NFIB: variants seen among roughly 807,000 people sequenced by gnomAD.
NFIB encodes nuclear factor 1 B-type.
A neutral mutation model predicts 61.5 loss-of-function variants in NFIB; 11 were observed. The ratio of observed to expected loss-of-function variants is 0.18; its 90% CI spans 0.11 to 0.30. The LOEUF is 0.30. Ranked by LOEUF, NFIB falls within the 10% of genes least tolerant of loss-of-function variation. NFIB has a pLI of 1.00. For missense variants in NFIB, 471 were observed against 608.9 expected (o/e 0.77, Z 2.38); for synonymous variants, 260 against 216.5 (o/e 1.20, Z -1.76).
At chr9:14,317,163 C>G (rs988823593), upstream of NFIB, 4 of 152,206 alleles carry the variant, frequency 2.6e-5, no homozygotes, top group Non-Finnish European at 5.9e-5. Flanking sequence ...ATCGCTACCC[C>G]TCCTCCCTTT....
At chr9:14,360,728 T>C (rs2061229083) in intron 1 of NFIB, among the ~76,000 whole-genome samples, 1 of 152,004 alleles carries the variant, frequency 6.6e-6, no homozygotes, top group South Asian at 2.1e-4. Context: ...GTATTTTTAG[T>C]AGAGACGGGG....
At chr9:14,485,434 G>A in the NFIB span, among the ~76,000 whole-genome samples, 1 of 152,202 alleles carries the variant, frequency 6.6e-6, no homozygotes, top group Non-Finnish European at 1.5e-5. Context: ...ATATAAGAAG[G>A]TGTATCAGTC....
Position 14,120,820 on chromosome 9 carries a change from A to C in NFIB, c.1061-196T>G, listed in dbSNP as rs746204160. Among the ~76,000 whole-genome samples the C allele has an allele frequency of 2.0e-5, 3 of 152,206 alleles. No homozygotes were observed. Among genetic ancestry groups the C allele is most frequent in the Non-Finnish European group, 4.4e-5 (3 of 68,036 alleles). ...CACCAGTACGGCTAACTACACAGAGATAAAACATCACTCTAGAAAATTAAC... is the reference window on the plus strand; with the variant it reads ...CACCAGTACGGCTAACTACACAGAGCTAAAACATCACTCTAGAAAATTAAC... On this transcript the variant is annotated intron_variant, in intron 7 of 10. Transcript: ENST00000380953. This position sits in a 1 kb window ranked among gnomAD's most constrained non-coding sequence, Gnocchi z 4.4.
At position 14,191,198 on chromosome 9, in the gene NFIB, G is replaced by T. The variant is rs149446639; in HGVS notation, c.563-11418C>A. On this transcript the variant is annotated intron_variant, in intron 2 of 10. Coordinates refer to ENST00000380953, the MANE Select transcript of NFIB (RefSeq NM_001190737.2). Reference sequence around the variant, plus strand: ...CAATAATTAGCTGGGCATAGCGGTGGGTGCCTATAGTCCCAACTACTCGAG... The same window carrying T: ...CAATAATTAGCTGGGCATAGCGGTGTGTGCCTATAGTCCCAACTACTCGAG... Among the ~76,000 whole-genome samples, 509 of 152,048 alleles carry T rather than the reference G, an allele frequency of 3.3e-3. 5 individuals are homozygous for T. The highest frequency in any genetic ancestry group is 0.011 in the African/African-American group (472 of 41,474).
chr9:14,159,176 A>T (rs1489302046), intron 3 of NFIB, among the ~76,000 whole-genome samples: 1 of 152,190 alleles, frequency 6.6e-6, no homozygotes. Context: ...TCAAACACAG[A>T]CAATACAATG....
At chr9:14,497,372 C>T in the NFIB span, among the ~76,000 whole-genome samples, 1 of 152,054 alleles carries the variant, frequency 6.6e-6, no homozygotes, top group Non-Finnish European at 1.5e-5. Flanking sequence ...ATCATTTTGT[C>T]CAAGGCAGTC....
intron 2 of NFIB, among the ~76,000 whole-genome samples, chr9:14,243,959 T>C (rs1475190329): frequency 6.6e-6 from 1 of 152,212 alleles, no homozygotes; most frequent in Non-Finnish European, 1.5e-5. Flanking sequence ...GAAATTACCG[T>C]ATACTGTAGT....
At chr9:14,299,175 C>T (rs999018524) in intron 2 of NFIB, among the ~76,000 whole-genome samples, 3 of 152,166 alleles carry the variant, frequency 2.0e-5, no homozygotes, top group African/African-American at 7.2e-5. Flanking sequence ...ATAACTTTTT[C>T]CTAATATCTG....
At chr9:14,297,470 T>C (rs1278716091) in intron 2 of NFIB, among the ~76,000 whole-genome samples, 1 of 152,206 alleles carries the variant, frequency 6.6e-6, no homozygotes, top group Non-Finnish European at 1.5e-5. Context: ...AATTCCTTGA[T>C]CTTGTGAACA....
At chr9:14,284,178 C>G (rs184391852) in intron 2 of NFIB, among the ~76,000 whole-genome samples, 3 of 152,082 alleles carry the variant, frequency 2.0e-5, no homozygotes, top group Non-Finnish European at 4.4e-5. Context: ...ATACCTAGTT[C>G]CCTGGGTAAC....
At chr9:14,427,937 G>GTTTTTTTTTTTTGTTT in the NFIB span, among the ~76,000 whole-genome samples, 1 of 43,384 alleles carries the variant, frequency 2.3e-5, no homozygotes, top group Non-Finnish European at 4.4e-5. Context: ...TAATTCAGTT[G>GTTTTTTTTTTTTGTTT]TTTTTTTTTT....
intron 10 of NFIB, among the ~76,000 whole-genome samples, chr9:14,103,381 C>T (rs1467564565): frequency 6.6e-6 from 1 of 151,876 alleles, no homozygotes; most frequent in East Asian, 1.9e-4. Context: ...TCGTTTTTAA[C>T]CTTCAGATGG....
the NFIB span, among the ~76,000 whole-genome samples, chr9:14,459,983 A>C: frequency 2.6e-5 from 4 of 152,108 alleles, no homozygotes; most frequent in Non-Finnish European, 5.9e-5. Context: ...ATCTAGAACT[A>C]GAAATACCAT....
chr9:14,444,634 C>T, the NFIB span, among the ~76,000 whole-genome samples: 6 of 152,098 alleles, frequency 3.9e-5, no homozygotes, highest in Admixed American at 6.5e-5. Flanking sequence ...GCAAGTCTTA[C>T]GTGATATAGC....
chr9:14,356,758 T>C (rs1030893192), intron 1 of NFIB, among the ~76,000 whole-genome samples: 3 of 152,172 alleles, frequency 2.0e-5, no homozygotes, highest in African/African-American at 4.8e-5. Flanking sequence ...CACTTAATTA[T>C]GAATAATGAT....
chr9:14,222,001 C>T (rs1242642205), intron 2 of NFIB, among the ~76,000 whole-genome samples: 2 of 152,200 alleles, frequency 1.3e-5, no homozygotes, highest in Non-Finnish European at 1.5e-5. Context: ...ACCTTTCCCT[C>T]CGCAAAGCAC....
chr9:14,258,132 T>C lies in NFIB; in HGVS notation c.562+48857A>G, dbSNP rs148216239. Among the ~76,000 whole-genome samples the C allele has an allele frequency of 5.7e-3, 867 of 152,310 alleles. 13 individuals carry two copies. The highest frequency in any genetic ancestry group is 0.018 in the African/African-American group (747 of 41,582). Reference sequence around the variant, plus strand: ...GACTCGTATTAGAACATGAATTTAATAGAAGCAAAGGTACTGCTTATCATC... The same window carrying C: ...GACTCGTATTAGAACATGAATTTAACAGAAGCAAAGGTACTGCTTATCATC... On this transcript the variant is annotated intron_variant, in intron 2 of 10. Transcript: ENST00000380953.
chr9:14,420,960 T>C, the NFIB span, among the ~76,000 whole-genome samples: 1 of 152,154 alleles, frequency 6.6e-6, no homozygotes, highest in Non-Finnish European at 1.5e-5. Context: ...CCATTTTTTT[T>C]TTCGTTTTTA....
At position 14,307,451 on chromosome 9, in the gene NFIB, G is replaced by T; in HGVS notation, c.100C>A (p.Leu34Met). 1 of 1,613,936 alleles carries T rather than the reference G, an allele frequency of 6.2e-7. No individual in the cohort carries two copies. The highest frequency in any genetic ancestry group is 8.5e-7 in the Non-Finnish European group (1 of 1,179,990). The change falls in exon 2 of 11, where the codon CTG becomes ATG. Residue 34 changes from leucine to methionine, a missense_variant. This residue lies in a region of NFIB where 99 missense variants were observed against 213.3 expected (regional missense o/e 0.46). Coordinates refer to ENST00000380953, the MANE Select transcript of NFIB (RefSeq NM_001190737.2). This position sits in a 1 kb window ranked among gnomAD's most constrained non-coding sequence, Gnocchi z 5.3. ...VRAIAYTWFN[L>M]QARKRKYFKK... Reference sequence around the variant, plus strand: ...AAGTACTTGCGTTTTCGAGCCTGCAGGTTGAACCAAGTATAGGCAATTGCA... The same window carrying T: ...AAGTACTTGCGTTTTCGAGCCTGCATGTTGAACCAAGTATAGGCAATTGCA...
Sources: allele counts gnomAD v4.1 joint callset (sites outside exome capture counted in the v4.1 genomes callset), GRCh38; gene constraint gnomAD v4.1.1; regional missense constraint gnomAD v4.1.1; non-coding constraint Gnocchi (gnomAD v3.1); transcripts MANE v1.5; gene names NCBI Gene and HGNC (gene_info 2026-07-23, HGNC 2026-07-21).